The following GJB6 variants were observed in gnomAD, a reference collection of about 807,000 sequenced individuals.
GJB6 encodes gap junction protein beta 6, also known as gap junction beta-6 protein.
In GJB6, 5 loss-of-function variants were observed where a neutral mutation model predicts 5.4. That is an observed-to-expected ratio of 0.92 (90% CI 0.48 to 1.93). The LOEUF (loss-of-function observed/expected upper bound fraction) is 1.93. Ranked by LOEUF, GJB6 falls within the 30% of genes most tolerant of loss-of-function variation. The pLI is 0.01. For synonymous variants in GJB6, 136 were observed against 129.6 expected, an observed-to-expected ratio of 1.05 and a Z score of -0.34; for missense variants, 298 against 326.9, an observed-to-expected ratio of 0.91 and a Z score of 0.68.
chr13:20,226,936 C>A (rs962355893), intron 4 of GJB6, among the ~76,000 whole-genome samples: 1 of 152,130 alleles, frequency 6.6e-6, no homozygotes, highest in African/African-American at 2.4e-5. Context: ...GCCTGAACAA[C>A]GGCACCCCGT....
Position 20,223,420 on chromosome 13 carries a change from C to T in GJB6, c.61G>A (p.Gly21Arg), listed in dbSNP as rs751440971. The T allele has an allele frequency of 1.7e-5, 27 of 1,613,960 alleles. No homozygotes were observed. The highest frequency in any genetic ancestry group is 3.3e-5 in the South Asian group (3 of 91,082). ...AAGATGACTGTGATCCACACCTTCC[C>T]GATGCTGGTGGAGTGTTTGTTGACA... ...GGVNKHSTSI[G>R]KVWITVIFIF... Residue 21 changes from glycine (G) to arginine (R), a missense_variant, in exon 5 of 5, where the codon GGG becomes AGG. Coordinates refer to ENST00000647029, the MANE Select transcript of GJB6 (RefSeq NM_001110219.3).
chr13:20,231,790 C>T (rs1207334277), intron 1 of GJB6, among the ~76,000 whole-genome samples: 1 of 152,236 alleles, frequency 6.6e-6, no homozygotes, highest in African/African-American at 2.4e-5. Flanking sequence ...ACTCTGGCCT[C>T]TTAGACACAC....
At chr13:20,228,630 G>T (rs368010555) in intron 4 of GJB6, among the ~76,000 whole-genome samples, 5 of 150,610 alleles carry the variant, frequency 3.3e-5, no homozygotes, top group Non-Finnish European at 4.4e-5. Flanking sequence ...GACTACAGGC[G>T]CCTGCCACCA....
At chr13:20,231,158 T>C (rs1870058001) in intron 2 of GJB6, 1 of 152,266 alleles carries the variant, frequency 6.6e-6, no homozygotes, top group South Asian at 2.1e-4. Flanking sequence ...CATTTTCTTC[T>C]AGAACACTGG....
chr13:20,226,701 C>G (rs557782851), intron 4 of GJB6, among the ~76,000 whole-genome samples: 8 of 152,328 alleles, frequency 5.3e-5, no homozygotes, highest in African/African-American at 1.7e-4. Flanking sequence ...TTTACAGCAG[C>G]TGTTCACCTA....
chr13:20,222,986 C>T lies in GJB6; in HGVS notation c.495G>A (p.Trp165Ter), dbSNP rs1869292798. 2 of 1,613,984 alleles carry T rather than the reference C, an allele frequency of 1.2e-6. No homozygotes were observed. The highest frequency in any genetic ancestry group is 1.7e-6 in the Non-Finnish European group (2 of 1,180,022). ...AGGGGTCAATCCCACATTTCAACAC[C>T]CAGGGCAGGTGGTACCCATTGTAAA... ...YFLYNGYHLPWVLKCGIDPCP... is the reference protein window; with the variant it reads ...YFLYNGYHLP The change falls in exon 5 of 5, where the codon TGG becomes TGA. Residue 165 changes from tryptophan (W) to a stop codon, truncating the protein, a stop_gained. Coordinates refer to ENST00000647029, the MANE Select transcript of GJB6 (RefSeq NM_001110219.3). LOFTEE classifies it high-confidence loss of function.
Position 20,223,486 on chromosome 13 carries a change from T to C in GJB6, c.-6A>G, listed in dbSNP as rs906060994. Reference sequence around the variant, plus strand: ...TGCAGCGTCCCCCAATCCATTGCGCTGGTTTATCCCTAAACAGACAAAAGT... The same window carrying C: ...TGCAGCGTCCCCCAATCCATTGCGCCGGTTTATCCCTAAACAGACAAAAGT... On this transcript the variant is annotated 5_prime_UTR_variant, in exon 5 of 5. Transcript: ENST00000647029. 1.2e-5 allele frequency: 19 copies of C among 1,613,690 alleles called. No individual in the cohort carries two copies. The highest frequency in any genetic ancestry group is 1.5e-5 in the Non-Finnish European group (18 of 1,179,630).
intron 4 of GJB6, among the ~76,000 whole-genome samples, chr13:20,229,027 CTAA>C (rs1185959473): frequency 2.1e-5 from 3 of 141,862 alleles, no homozygotes; most frequent in African/African-American, 2.6e-5. Flanking sequence ...TATAATTTCA[CTAA>C]TGACAGAACC....
chr13:20,225,838 G>C (rs6490528), intron 4 of GJB6, among the ~76,000 whole-genome samples: 149,079 of 152,294 alleles, frequency 0.98, 73,035 homozygotes, highest in East Asian at 1. Flanking sequence ...TGCCGCCTCT[G>C]CTATCGTTGG....
At chr13:20,225,679 G>T (rs1392152086) in intron 4 of GJB6, 2 of 152,080 alleles carry the variant, frequency 1.3e-5, no homozygotes, top group Non-Finnish European at 2.9e-5. Flanking sequence ...TAAAATAAGA[G>T]AAAACGTATA....
intron 4 of GJB6, among the ~76,000 whole-genome samples, chr13:20,227,777 A>G (rs1230344814): frequency 6.6e-6 from 1 of 152,156 alleles, no homozygotes; most frequent in Non-Finnish European, 1.5e-5. Context: ...AAGCCCCCAA[A>G]TTTCCAGCAC....
rs770612890 is a variant in GJB6, at chr13:20,223,417, TC to T, written c.63del (p.Lys22ArgfsTer13). The T allele has an allele frequency of 5.8e-4, 933 of 1,613,946 alleles. 1 individual carries two copies. Among genetic ancestry groups the T allele is most frequent in the Non-Finnish European group, 7.3e-4 (864 of 1,179,928 alleles). On this transcript the variant is annotated frameshift_variant, in exon 5 of 5. Coordinates refer to ENST00000647029, the MANE Select transcript of GJB6 (RefSeq NM_001110219.3). LOFTEE classifies it high-confidence loss of function. ...ATAAAGATGACTGTGATCCACACCT[TC>T]CCGATGCTGGTGGAGTGTTTGTTGA... The part of the protein sequence containing the change: ...GGVNKHSTSI[G>X]KVWITVIFIF...
intron 4 of GJB6, among the ~76,000 whole-genome samples, chr13:20,223,833 G>C (rs1869397362): frequency 6.6e-6 from 1 of 152,106 alleles, no homozygotes; most frequent in African/African-American, 2.4e-5. Context: ...GCCTGGCGTG[G>C]TGGCGGGCAC....
intron 4 of GJB6, among the ~76,000 whole-genome samples, chr13:20,229,123 C>CAAAAAAAAAA (rs5802041): frequency 6.8e-5 from 3 of 43,872 alleles, no homozygotes; most frequent in African/African-American, 3.0e-4. Context: ...TGTCATTTAG[C>CAAAAAAAAAA]AAAAAAAAAA....
rs1214771392 is a variant in GJB6 at position 20,222,924 on chromosome 13, G to A, written c.557C>T (p.Thr186Ile). The change falls in exon 5 of 5, where the codon ACA (threonine) becomes ATA (isoleucine). Residue 186 changes from threonine to isoleucine, a missense_variant. Transcript: ENST00000647029. ...AAAAATGGTAAACACGGTCTTCTCT[G>A]TTGGCCTAGAAATAAAGCAGTCAAC... The part of the protein sequence containing the change: ...NLVDCFISRP[T>I]EKTVFTIFMI... The A allele has an allele frequency of 6.2e-7, 1 of 1,614,108 alleles. No individual in the cohort carries two copies. The highest frequency in any genetic ancestry group is 8.5e-7 in the Non-Finnish European group (1 of 1,180,008).
intron 4 of GJB6, among the ~76,000 whole-genome samples, chr13:20,228,732 C>T (rs986485723): frequency 7.9e-5 from 12 of 151,712 alleles, no homozygotes; most frequent in East Asian, 1.9e-4. Context: ...GATCCGCCCC[C>T]CTTGGCCTCC....
At chr13:20,227,206 C>G (rs1285385771) in intron 4 of GJB6, among the ~76,000 whole-genome samples, 1 of 152,028 alleles carries the variant, frequency 6.6e-6, no homozygotes, top group African/African-American at 2.4e-5. Context: ...TTTCTGGGTC[C>G]CCAAGCCACA....
intron 4 of GJB6, among the ~76,000 whole-genome samples, chr13:20,227,503 G>A (rs1395524663): frequency 2.0e-5 from 3 of 152,186 alleles, no homozygotes; most frequent in African/African-American, 7.2e-5. Flanking sequence ...GGGAGAAGCT[G>A]TGTCCTCTCT....
chr13:20,223,005 T>TTACTTCC lies in GJB6; in HGVS notation c.475_476insGGAAGTA (p.Asn159ArgfsTer3), dbSNP rs1555343515. ...CAACACCCAGGGCAGGTGGTACCCA[T>TTACTTCC]TGTAAAGGAAGTAAAACACATACAT... is the stretch of plus-strand genomic sequence containing the variant. On this transcript the variant is annotated stop_gained and frameshift_variant, in exon 5 of 5. Transcript: ENST00000647029. LOFTEE classifies it high-confidence loss of function. The TTACTTCC allele has an allele frequency of 6.2e-7, 1 of 1,614,010 alleles. No homozygotes were observed. Among genetic ancestry groups the TTACTTCC allele is most frequent in the Non-Finnish European group, 8.5e-7 (1 of 1,180,006 alleles).
Sources: gnomAD v4.1 joint callset for allele counts (sites outside exome capture counted in the v4.1 genomes callset) on GRCh38, gnomAD v4.1.1 for gene constraint, MANE v1.5 for transcripts, NCBI Gene and HGNC (gene_info 2026-07-23, HGNC 2026-07-21) for gene names.